Variants in JMJD1C observed in about 807,000 individuals in gnomAD.
The protein encoded by JMJD1C is jumonji domain containing 1C.
Under a neutral mutation model 245.3 loss-of-function variants are expected in JMJD1C, and 31 were observed. The observed-to-expected ratio is 0.13, with a 90% CI of 0.09 to 0.17. JMJD1C has a LOEUF of 0.17. Ranked by LOEUF, JMJD1C falls within the 10% of genes least tolerant of loss-of-function variation. JMJD1C has a pLI of 1.00. For synonymous variants in JMJD1C, 1,057 were observed against 1,017.4 expected (o/e 1.04, Z -0.74); for missense variants, 2,691 against 3,000.2 (o/e 0.90, Z 2.41).
intron 1 of JMJD1C, among the ~76,000 whole-genome samples, chr10:63,392,362 A>T (rs933517707): frequency 1.3e-5 from 2 of 152,180 alleles, no homozygotes; most frequent in Non-Finnish European, 2.9e-5. Context: ...AAATAATGAT[A>T]AATGCGACTA....
intron 2 of JMJD1C, among the ~76,000 whole-genome samples, chr10:63,332,875 A>C (rs1942310280): frequency 6.6e-6 from 1 of 152,178 alleles, no homozygotes; most frequent in South Asian, 2.1e-4. Flanking sequence ...CTGATCTATC[A>C]CGTGAAAGGC....
intron 3 of JMJD1C, among the ~76,000 whole-genome samples, chr10:63,246,110 G>A (rs1234540282): frequency 1.3e-5 from 2 of 152,242 alleles, no homozygotes; most frequent in Non-Finnish European, 2.9e-5. Context: ...CCAAATCTAA[G>A]AATTATTGGT....
At chr10:63,268,232 CAA>C (rs5785564) in intron 2 of JMJD1C, among the ~76,000 whole-genome samples, 51,873 of 130,216 alleles carry the variant, frequency 0.4, 9,832 homozygotes, top group South Asian at 0.52. Flanking sequence ...TTTAGTCTAC[CAA>C]AAAAAAAAAA....
intron 2 of JMJD1C, among the ~76,000 whole-genome samples, chr10:63,366,105 A>G (rs1945817067): frequency 6.6e-6 from 1 of 152,230 alleles, no homozygotes; most frequent in Non-Finnish European, 1.5e-5. Flanking sequence ...GCTTTGGGCC[A>G]CAAAGTAATA....
chr10:63,290,387 G>A (rs1024783549), intron 2 of JMJD1C, among the ~76,000 whole-genome samples: 1 of 152,080 alleles, frequency 6.6e-6, no homozygotes, highest in Non-Finnish European at 1.5e-5. Flanking sequence ...TGGCCAGCAT[G>A]GTGAAACCCC....
chr10:63,207,642 G>C lies in JMJD1C; in HGVS notation c.4027C>G (p.Leu1343Val), dbSNP rs183741384. The C allele has an allele frequency of 1.2e-6, 2 of 1,614,082 alleles. No individual in the cohort carries two copies. The highest frequency in any genetic ancestry group is 3.3e-5 in the Admixed American group (2 of 60,006). Residue 1343 changes from leucine (L) to valine (V), a missense_variant, in exon 10 of 26, where the codon CTC becomes GTC. Physicochemically the swap from Leu to Val is conservative, Grantham distance 32 (BLOSUM62 1). Around this residue, in one of 9 missense-constraint regions of JMJD1C, gnomAD observed 1,562 missense variants for 1,490.7 expected, o/e 1.05. Coordinates refer to ENST00000399262, the MANE Select transcript of JMJD1C (RefSeq NM_032776.3). ...SSAGAHKTDCLKLAEAGETGR... is the reference protein window; with the variant it reads ...SSAGAHKTDCVKLAEAGETGR... Reference sequence around the variant, plus strand: ...GTTTCTCCGGCTTCTGCTAGTTTGAGGCAATCTGTTTTATGTGCCCCAGCT... The same window carrying C: ...GTTTCTCCGGCTTCTGCTAGTTTGACGCAATCTGTTTTATGTGCCCCAGCT...
chr10:63,278,263 A>G (rs1159544245), intron 2 of JMJD1C, among the ~76,000 whole-genome samples: 2 of 151,856 alleles, frequency 1.3e-5, no homozygotes, highest in East Asian at 3.9e-4. Context: ...AGGTAGGCAG[A>G]TCACTTGAGG....
intron 3 of JMJD1C, chr10:63,222,190 C>T (rs1848674787): frequency 2.7e-6 from 2 of 754,546 alleles, no homozygotes; most frequent in Non-Finnish European, 5.0e-6. Context: ...TTGTTATCAA[C>T]TTGACTGACA....
At chr10:63,519,944 T>G (rs1007589885) in intron 1 of JMJD1C, among the ~76,000 whole-genome samples, 6 of 152,202 alleles carry the variant, frequency 3.9e-5, no homozygotes, top group Admixed American at 2.0e-4. Flanking sequence ...CTGGTGCTTA[T>G]GCAGCACACC....
intron 2 of JMJD1C, among the ~76,000 whole-genome samples, chr10:63,340,539 A>G (rs530489395): frequency 6.6e-6 from 1 of 152,374 alleles, no homozygotes; most frequent in African/African-American, 2.4e-5. Flanking sequence ...ATTTATGTTT[A>G]TATCACAGAA....
intron 1 of JMJD1C, among the ~76,000 whole-genome samples, chr10:63,384,727 A>C (rs966767898): frequency 6.6e-6 from 1 of 152,230 alleles, no homozygotes; most frequent in Non-Finnish European, 1.5e-5. Context: ...ATGAGCAATG[A>C]CTTCAACAAA....
chr10:63,434,117 T>C (rs1950931862), intron 1 of JMJD1C, among the ~76,000 whole-genome samples: 1 of 152,158 alleles, frequency 6.6e-6, no homozygotes, highest in Admixed American at 6.5e-5. Flanking sequence ...AAGCCAGTAT[T>C]TTGCAGCTTT....
chr10:63,415,379 AAC>A (rs773926967), intron 1 of JMJD1C, among the ~76,000 whole-genome samples: 18 of 152,236 alleles, frequency 1.2e-4, no homozygotes, highest in Non-Finnish European at 2.1e-4. Context: ...GATATTAATA[AAC>A]AGTTATCAAT....
chr10:63,212,295 A>G (rs1203834148), intron 8 of JMJD1C, among the ~76,000 whole-genome samples: 1 of 152,182 alleles, frequency 6.6e-6, no homozygotes, highest in African/African-American at 2.4e-5. Context: ...AATATTTAAG[A>G]TGGCACATTT....
chr10:63,431,346 A>G (rs920007788), intron 1 of JMJD1C, among the ~76,000 whole-genome samples: 1 of 152,238 alleles, frequency 6.6e-6, no homozygotes, highest in Non-Finnish European at 1.5e-5. Context: ...AGAAATATGT[A>G]AGAATGACAT....
rs561275435 is a variant in JMJD1C, at chr10:63,370,593, A to AAG, written c.333+9723_333+9724dup. Among the ~76,000 whole-genome samples the AAG allele has an allele frequency of 1.9e-3, 282 of 152,358 alleles. 3 individuals are homozygous for AAG. The highest frequency in any genetic ancestry group is 6.5e-3 in the African/African-American group (272 of 41,604). On this transcript the variant is annotated intron_variant, in intron 2 of 25. Coordinates refer to ENST00000399262, the MANE Select transcript of JMJD1C (RefSeq NM_032776.3). ...TATTTTCCCCCCAATTCTAACGTTCAAGCCATGCAAATCTAGAAGTAAACA... is the reference window on the plus strand; with the variant it reads ...TATTTTCCCCCCAATTCTAACGTTCAAGAGCCATGCAAATCTAGAAGTAAACA...
At chr10:63,240,860 T>C (rs1334483823) in intron 3 of JMJD1C, among the ~76,000 whole-genome samples, 1 of 152,080 alleles carries the variant, frequency 6.6e-6, no homozygotes, top group Non-Finnish European at 1.5e-5. Context: ...ATAAATTGAG[T>C]ATATGACCAG....
intron 3 of JMJD1C, among the ~76,000 whole-genome samples, chr10:63,239,565 C>T (rs958944566): frequency 2.0e-5 from 3 of 152,142 alleles, no homozygotes; most frequent in African/African-American, 7.2e-5. Flanking sequence ...CTGCCTCAGC[C>T]TCCTGAGTAG....
chr10:63,518,223 G>A (rs997971800), intron 1 of JMJD1C, among the ~76,000 whole-genome samples: 2 of 152,174 alleles, frequency 1.3e-5, no homozygotes, highest in Non-Finnish European at 2.9e-5. Context: ...CACTTTTCAT[G>A]AGAGACTCTT....
Sources: gnomAD v4.1 joint callset for allele counts (sites outside exome capture counted in the v4.1 genomes callset) on GRCh38, gnomAD v4.1.1 for gene constraint, gnomAD v4.1.1 regional missense constraint, MANE v1.5 for transcripts, NCBI Gene and HGNC (gene_info 2026-07-23, HGNC 2026-07-21) for gene names.